The following TTBK2 variants were observed in gnomAD, a reference collection of about 807,000 sequenced individuals.
TTBK2 encodes the protein tau tubulin kinase 2, also known as tau-tubulin kinase 2.
Under a neutral mutation model 110.8 loss-of-function variants are expected in TTBK2, and 28 were observed. That is an observed-to-expected ratio of 0.25 (90% confidence interval 0.19 to 0.35). The LOEUF (loss-of-function observed/expected upper bound fraction) is 0.35. Ranked by LOEUF, TTBK2 falls within the 10% of genes least tolerant of loss-of-function variation. TTBK2 has a pLI of 1.00. For missense variants in TTBK2, 1,369 were observed against 1,500.3 expected (o/e 0.91, Z 1.45); for synonymous variants, 532 against 527.3 (o/e 1.01, Z -0.12).
At chr15:42,814,976 A>G (rs1312987498) in intron 7 of TTBK2, among the ~76,000 whole-genome samples, 1 of 152,246 alleles carries the variant, frequency 6.6e-6, no homozygotes, top group African/African-American at 2.4e-5. Flanking sequence ...TTAAAACAGT[A>G]AAAGTACATA....
At chr15:42,897,968 T>G (rs1423903603) in intron 1 of TTBK2, among the ~76,000 whole-genome samples, 1 of 151,886 alleles carries the variant, frequency 6.6e-6, no homozygotes, top group Non-Finnish European at 1.5e-5. Flanking sequence ...GGCAGGCAGA[T>G]CCATTGAGCC....
intron 9 of TTBK2, among the ~76,000 whole-genome samples, chr15:42,799,953 C>T (rs1042292516): frequency 2.0e-5 from 3 of 151,950 alleles, no homozygotes; most frequent in African/African-American, 4.8e-5. Flanking sequence ...ATAAAATTAG[C>T]CAGGTGTGGT....
rs1295218269 is a variant in TTBK2 at position 42,740,157 on chromosome 15, G to A, written c.*5638C>T. 1 of 152,178 alleles carries A rather than the reference G, an allele frequency of 6.6e-6. No homozygotes were observed. The highest frequency in any genetic ancestry group is 1.5e-5 in the Non-Finnish European group (1 of 68,044). The allele number at this position is 152,178 out of a possible 1,614,324, so 9.4% of individuals were successfully genotyped here. On this transcript the variant is annotated 3_prime_UTR_variant, in exon 15 of 15. Coordinates refer to ENST00000267890, the MANE Select transcript of TTBK2 (RefSeq NM_173500.4). Reference sequence around the variant, plus strand: ...GAACCCAGAGCCAGGGTACCTGGGAGGCATGGTCAGCATCGCCAGTGTACA... The same window carrying A: ...GAACCCAGAGCCAGGGTACCTGGGAAGCATGGTCAGCATCGCCAGTGTACA...
intron 7 of TTBK2, among the ~76,000 whole-genome samples, chr15:42,816,471 T>C (rs1892032796): frequency 6.6e-6 from 1 of 152,012 alleles, no homozygotes; most frequent in African/African-American, 2.4e-5. Context: ...TTCTGGCAAA[T>C]CCAATTTTAT....
At chr15:42,777,312 C>A in intron 11 of TTBK2, 70 bp from the exon 12 acceptor site, 4 of 1,460,828 alleles carry the variant, frequency 2.7e-6, no homozygotes. Context: ...TCATTGAAGC[C>A]TTTCAAAATA....
chr15:42,803,801 C>T (rs537414504), intron 9 of TTBK2, among the ~76,000 whole-genome samples: 20 of 152,032 alleles, frequency 1.3e-4, no homozygotes, highest in East Asian at 5.8e-4. Context: ...TAGGCCAAGG[C>T]GGGCCGATCA....
intron 4 of TTBK2, among the ~76,000 whole-genome samples, chr15:42,839,112 A>G (rs577742313): frequency 6.6e-6 from 1 of 152,020 alleles, no homozygotes; most frequent in Non-Finnish European, 1.5e-5. Context: ...TCCACCCTCA[A>G]AGTAGGCCCT....
chr15:42,881,355 A>C (rs1895042094), intron 1 of TTBK2, among the ~76,000 whole-genome samples: 1 of 151,776 alleles, frequency 6.6e-6, no homozygotes. Flanking sequence ...TCAAAAAAAA[A>C]AAAAAACCTT....
chr15:42,840,625 T>C (rs749288108), intron 3 of TTBK2, 192 bp from the exon 4 acceptor site: 4 of 685,400 alleles, frequency 5.8e-6, no homozygotes, highest in Non-Finnish European at 7.9e-6. Flanking sequence ...TATTCCTTTG[T>C]GTGGTCAAAT....
chr15:42,865,237 T>C (rs1181359078), intron 3 of TTBK2, among the ~76,000 whole-genome samples: 1 of 151,558 alleles, frequency 6.6e-6, no homozygotes, highest in Middle Eastern at 3.2e-3. Context: ...AGGTCAGGAG[T>C]TAGACCAGCC....
intron 11 of TTBK2, 114 bp downstream of exon 11, chr15:42,783,305 G>A: frequency 1.0e-6 from 1 of 982,372 alleles, no homozygotes; most frequent in African/African-American, 1.6e-5. Context: ...TCAGCAAGGA[G>A]GAGCCACAAA....
At chr15:42,797,723 T>C (rs188171602) in intron 9 of TTBK2, among the ~76,000 whole-genome samples, 1 of 152,176 alleles carries the variant, frequency 6.6e-6, no homozygotes, top group Admixed American at 6.5e-5. Flanking sequence ...CTTAATTCAG[T>C]GAGTCAAATA....
At chr15:42,771,266 C>G (rs1889661773) in intron 13 of TTBK2, among the ~76,000 whole-genome samples, 1 of 152,242 alleles carries the variant, frequency 6.6e-6, no homozygotes, top group African/African-American at 2.4e-5. Flanking sequence ...AGCCACCACG[C>G]CCGGCCTGAA....
chr15:42,794,918 C>T (rs1290651072), intron 9 of TTBK2, 117 bp from the exon 10 acceptor site: 2 of 1,415,632 alleles, frequency 1.4e-6, no homozygotes, highest in South Asian at 1.2e-5. Flanking sequence ...TCTTTAAAAA[C>T]TGATGGCTCA....
Position 42,751,975 on chromosome 15 carries a change from T to C in TTBK2, c.3271A>G (p.Arg1091Gly). The change falls in exon 14 of 15, where the codon AGG becomes GGG. Residue 1091 changes from arginine to glycine, a missense_variant and splice_region_variant. Coordinates refer to ENST00000267890, the MANE Select transcript of TTBK2 (RefSeq NM_173500.4). ...KPPTRPGVEA[R>G]LRRYKVLGSS... ...CACAGGGAGAGCACACAGCATTACC[T>C]GGCTTCTACTCCAGGCCTCGTGGGT... 1 of 1,614,130 alleles carries C rather than the reference T, an allele frequency of 6.2e-7. No individual in the cohort carries two copies. The highest frequency in any genetic ancestry group is 8.5e-7 in the Non-Finnish European group (1 of 1,180,012).
intron 1 of TTBK2, among the ~76,000 whole-genome samples, chr15:42,918,037 C>T (rs891157433): frequency 6.6e-6 from 1 of 151,844 alleles, no homozygotes; most frequent in African/African-American, 2.4e-5. Context: ...CAATAATGAT[C>T]CTAAACACTT....
intron 13 of TTBK2, among the ~76,000 whole-genome samples, chr15:42,756,571 G>A (rs2061950388): frequency 6.6e-6 from 1 of 152,150 alleles, no homozygotes. Flanking sequence ...GGGCAACAGA[G>A]CGACACTCTG....
intron 6 of TTBK2, among the ~76,000 whole-genome samples, chr15:42,818,357 A>G (rs578124694): frequency 2.0e-5 from 3 of 152,336 alleles, no homozygotes; most frequent in African/African-American, 7.2e-5. Context: ...TCTGAGAAGT[A>G]TATAACTTGT....
rs1482627672 is a variant in TTBK2, at chr15:42,752,224, C to T, written c.3022G>A (p.Ala1008Thr). ...TCACAAAAGGGAGCAGGAACAGTAG[C>T]TAGTTTCTCCTCTAGCAATTTATCA... ...ASDKLLEEKL[A>T]TVPAPFCEEE... Residue 1008 changes from alanine to threonine, a missense_variant, in exon 14 of 15, where the codon GCT (alanine) becomes ACT (threonine). Physicochemically the swap from Ala to Thr is moderately conservative, Grantham distance 58 (BLOSUM62 0). Transcript: ENST00000267890. 3 of 1,614,004 alleles carry T rather than the reference C, an allele frequency of 1.9e-6. No homozygotes were observed. The highest frequency in any genetic ancestry group is 1.7e-6 in the Non-Finnish European group (2 of 1,179,958).
Sources: gnomAD v4.1 joint callset for allele counts (sites outside exome capture counted in the v4.1 genomes callset) on GRCh38, gnomAD v4.1.1 for gene constraint, MANE v1.5 for transcripts, NCBI Gene and HGNC (gene_info 2026-07-23, HGNC 2026-07-21) for gene names.